The following PIWIL2 variants were observed in gnomAD, a reference collection of about 807,000 sequenced individuals.
The protein encoded by PIWIL2 is piwi like RNA-mediated gene silencing 2, also known as piwi-like protein 2.
A neutral mutation model predicts 116.5 loss-of-function variants in PIWIL2; 81 were observed. That is an observed-to-expected ratio of 0.70 (90% CI 0.58 to 0.84). PIWIL2 has a LOEUF of 0.84. Among genes scored for constraint, PIWIL2 ranks in the 40% least tolerant of loss-of-function variants. PIWIL2 has a pLI of 0.00. For missense variants in PIWIL2, 1,272 were observed against 1,212.3 expected (o/e 1.05, Z -0.73); for synonymous variants, 489 against 429.5 (o/e 1.14, Z -1.71).
intron 17 of PIWIL2, 23 bp from the exon 18 acceptor site, chr8:22,315,006 A>T (rs769671118): frequency 7.4e-7 from 1 of 1,358,744 alleles, no homozygotes; most frequent in Non-Finnish European, 1.1e-6. Flanking sequence ...TTCTCCTGAC[A>T]CCTTTTGGTC....
chr8:22,351,298 A>T (rs1450798695), intron 20 of PIWIL2, among the ~76,000 whole-genome samples: 1 of 151,000 alleles, frequency 6.6e-6, no homozygotes, highest in South Asian at 2.1e-4. Flanking sequence ...AACCTGAGCA[A>T]CAGAGTGAGA....
intron 1 of PIWIL2, among the ~76,000 whole-genome samples, chr8:22,277,036 T>A (rs933045824): frequency 1.2e-4 from 16 of 137,460 alleles, no homozygotes; most frequent in Non-Finnish European, 2.3e-4. Context: ...TATATATATT[T>A]TTTTTTTTGA....
intron 20 of PIWIL2, among the ~76,000 whole-genome samples, chr8:22,335,964 T>A (rs562307009): frequency 6.6e-6 from 1 of 152,134 alleles, no homozygotes; most frequent in African/African-American, 2.4e-5. Flanking sequence ...AATTACAATA[T>A]ATGTGCACCT....
chr8:22,348,205 C>G (rs1459043308), intron 20 of PIWIL2, among the ~76,000 whole-genome samples: 1 of 151,942 alleles, frequency 6.6e-6, no homozygotes, highest in African/African-American at 2.4e-5. Flanking sequence ...GGGGCCGAGG[C>G]AGGAGAATCG....
chr8:22,325,871 A>C (rs1352939642), intron 20 of PIWIL2, among the ~76,000 whole-genome samples: 1 of 152,150 alleles, frequency 6.6e-6, no homozygotes, highest in African/African-American at 2.4e-5. Context: ...GTGTCTGCTC[A>C]TGTCAGGCAC....
In PIWIL2 at chr8:22,355,587, G is replaced by A. The variant is rs1832472072; in HGVS notation, c.*82G>A. On this transcript the variant is annotated 3_prime_UTR_variant, in exon 23 of 23. Coordinates refer to ENST00000356766, the MANE Select transcript of PIWIL2 (RefSeq NM_018068.5). The stretch of plus-strand genomic sequence containing the variant: ...GACTCTTGCAGAATCAACAGAGACT[G>A]AAGTGGGCTTTTGTGTTATAATTTT... 8.0e-7 allele frequency: 1 copy of A among 1,255,862 alleles called. No individual in the cohort carries two copies. The highest frequency in any genetic ancestry group is 1.5e-5 in the African/African-American group (1 of 67,878). The allele number at this position is 1,255,862 out of a possible 1,614,324, so 77.8% of individuals were successfully genotyped here. A position where few individuals can be genotyped will look rare whatever the true frequency, so the allele number is the denominator to read the frequency against.
At chr8:22,326,102 T>A (rs1831718650) in intron 20 of PIWIL2, among the ~76,000 whole-genome samples, 1 of 152,098 alleles carries the variant, frequency 6.6e-6, no homozygotes, top group African/African-American at 2.4e-5. Flanking sequence ...TGGAGCCAGA[T>A]GGACTTCCTC....
intron 20 of PIWIL2, among the ~76,000 whole-genome samples, chr8:22,329,052 A>T (rs1008537617): frequency 2.0e-5 from 3 of 152,090 alleles, no homozygotes; most frequent in African/African-American, 7.2e-5. Context: ...CTGATAGTAG[A>T]GGCAAAGGTT....
intron 1 of PIWIL2, among the ~76,000 whole-genome samples, chr8:22,276,992 G>A (rs1233157055): frequency 6.6e-6 from 1 of 151,844 alleles, no homozygotes; most frequent in Non-Finnish European, 1.5e-5. Flanking sequence ...TAAAGAGGGA[G>A]TCTTGAAATC....
intron 18 of PIWIL2, among the ~76,000 whole-genome samples, chr8:22,315,714 A>C (rs1831442682): frequency 6.6e-6 from 1 of 152,238 alleles, no homozygotes; most frequent in African/African-American, 2.4e-5. Context: ...TCTTTAAATA[A>C]AATTTCACTG....
At position 22,283,047 on chromosome 8, in the gene PIWIL2, G is replaced by A; in HGVS notation, c.439G>A (p.Gly147Arg). The change falls in exon 5 of 23, where the codon GGG (glycine) becomes AGG (arginine). Residue 147 changes from glycine (G) to arginine (R), a missense_variant. Coordinates refer to ENST00000356766, the MANE Select transcript of PIWIL2 (RefSeq NM_018068.5). ...TCCACATTTCAGGACGCTTGGAAGA[G>A]GGAGTTCAGATGCGTCTTTATTACC... ...SVGWSRTLGR[G>R]SSDASLLPLG... 3 of 1,614,018 alleles carry A rather than the reference G, an allele frequency of 1.9e-6. No homozygotes were observed. Among genetic ancestry groups the A allele is most frequent in the Non-Finnish European group, 2.5e-6 (3 of 1,179,876 alleles).
Position 22,281,120 on chromosome 8 carries a change from G to A in PIWIL2, c.199G>A (p.Glu67Lys), listed in dbSNP as rs1830488704. ...PSTQRGPAQRESVGLVSMFRG... is the reference protein window; with the variant it reads ...PSTQRGPAQRKSVGLVSMFRG... ...AACTTTATTCTTTGACTTTCCACAG[G>A]AGTCTGTGGGTTTGGTCTCCATGTT... is the stretch of plus-strand genomic sequence containing the variant. Residue 67 changes from glutamate (E) to lysine (K), a missense_variant and splice_region_variant, in exon 3 of 23, where the codon GAG becomes AAG. Transcript: ENST00000356766. The A allele has an allele frequency of 1.9e-6, 3 of 1,598,490 alleles. No individual in the cohort carries two copies. The highest frequency in any genetic ancestry group is 2.7e-5 in the African/African-American group (2 of 74,264).
At chr8:22,339,381 G>A (rs1253628390) in intron 20 of PIWIL2, among the ~76,000 whole-genome samples, 4 of 151,906 alleles carry the variant, frequency 2.6e-5, no homozygotes, top group Admixed American at 1.3e-4. Flanking sequence ...GGTGGCCCGC[G>A]CCTGTAATCC....
At chr8:22,338,556 G>T (rs1369885440) in intron 20 of PIWIL2, among the ~76,000 whole-genome samples, 1 of 152,138 alleles carries the variant, frequency 6.6e-6, no homozygotes, top group Non-Finnish European at 1.5e-5. Context: ...GCTGGGTGTG[G>T]TGGTGCGTGC....
chr8:22,334,085 T>G (rs1006096936), intron 20 of PIWIL2, among the ~76,000 whole-genome samples: 2 of 151,680 alleles, frequency 1.3e-5, no homozygotes, highest in Non-Finnish European at 2.9e-5. Flanking sequence ...GCAATTCTTG[T>G]GCCTCAGCCT....
At chr8:22,291,639 G>A (rs1399557624) in intron 10 of PIWIL2, among the ~76,000 whole-genome samples, 1 of 152,078 alleles carries the variant, frequency 6.6e-6, no homozygotes, top group Non-Finnish European at 1.5e-5. Context: ...CCCTGTAGAA[G>A]ATTTATTCAG....
intron 6 of PIWIL2, among the ~76,000 whole-genome samples, chr8:22,285,687 G>T (rs1358836933): frequency 6.6e-6 from 1 of 151,916 alleles, no homozygotes; most frequent in African/African-American, 2.4e-5. Flanking sequence ...TGTCACCCAG[G>T]CTGGAGTGCA....
Position 22,355,417 on chromosome 8 carries a change from A to C in PIWIL2, c.2834A>C (p.Lys945Thr). Residue 945 changes from lysine to threonine, a missense_variant, in exon 23 of 23, where the codon AAG becomes ACG. Lys to Thr is a moderately conservative substitution (Grantham distance 78). Coordinates refer to ENST00000356766, the MANE Select transcript of PIWIL2 (RefSeq NM_018068.5). ...PGTIRVPAPC[K>T]YAHKLAFLSG... ...ACCATCAGAGTTCCAGCTCCTTGCA[A>C]GTATGCCCACAAGCTAGCTTTCCTG... 1 of 1,614,174 alleles carries C rather than the reference A, an allele frequency of 6.2e-7. No homozygotes were observed. The highest frequency in any genetic ancestry group is 8.5e-7 in the Non-Finnish European group (1 of 1,180,018).
intron 10 of PIWIL2, among the ~76,000 whole-genome samples, chr8:22,297,632 G>A (rs1050756433): frequency 1.3e-5 from 2 of 152,158 alleles, no homozygotes; most frequent in East Asian, 1.9e-4. Context: ...CCCTGCAGTG[G>A]GGATTTACAG....
Sources: gnomAD v4.1 joint callset for allele counts (sites outside exome capture counted in the v4.1 genomes callset) on GRCh38, gnomAD v4.1.1 for gene constraint, MANE v1.5 for transcripts, NCBI Gene and HGNC (gene_info 2026-07-23, HGNC 2026-07-21) for gene names.